Variants in CACNA2D3 observed in about 807,000 individuals in gnomAD.
CACNA2D3 encodes the protein voltage-dependent calcium channel subunit alpha-2/delta-3.
In CACNA2D3, 60 loss-of-function variants were observed where a neutral mutation model predicts 160.6. That is an observed-to-expected ratio of 0.37 (90% confidence interval 0.30 to 0.46). CACNA2D3 has a LOEUF of 0.46. CACNA2D3 is among the 20% of genes least tolerant of loss of function. CACNA2D3 has a pLI of 1.00. For synonymous variants in CACNA2D3, 558 were observed against 492.9 expected (o/e 1.13, Z -1.75); for missense variants, 1,205 against 1,365.0 (o/e 0.88, Z 1.85).
intron 27 of CACNA2D3, among the ~76,000 whole-genome samples, chr3:54,918,018 A>G (rs902370544): frequency 6.6e-6 from 1 of 152,220 alleles, no homozygotes; most frequent in African/African-American, 2.4e-5. Context: ...CCCATCGGGT[A>G]AGATCACCAG....
chr3:55,074,020 G>A (rs1436525646), intron 37 of CACNA2D3, 94 bp from the exon 38 acceptor site: 20 of 1,195,928 alleles, frequency 1.7e-5, no homozygotes, highest in Admixed American at 1.4e-4. Context: ...AGAAGACTTC[G>A]TTCTTACGTT....
At chr3:54,764,471 ATTGT>A (rs946036576) in intron 13 of CACNA2D3, 120 bp downstream of exon 13, 212 of 1,259,462 alleles carry the variant, frequency 1.7e-4, no homozygotes, top group Admixed American at 7.5e-4. Flanking sequence ...ACTTTTCTTG[ATTGT>A]TTGTATAGTG....
At chr3:54,779,989 A>G (rs1702501715) in intron 13 of CACNA2D3, among the ~76,000 whole-genome samples, 2 of 152,234 alleles carry the variant, frequency 1.3e-5, no homozygotes, top group East Asian at 1.9e-4. Context: ...CAGAGAGGCC[A>G]AGTGGCTTGC....
chr3:54,568,724 T>C (rs1702447769), intron 6 of CACNA2D3, among the ~76,000 whole-genome samples: 1 of 152,182 alleles, frequency 6.6e-6, no homozygotes, highest in African/African-American at 2.4e-5. Context: ...TGATTTCTTA[T>C]GGAGAGTGTT....
At chr3:54,857,056 C>T (rs1171578848) in intron 17 of CACNA2D3, among the ~76,000 whole-genome samples, 3 of 152,318 alleles carry the variant, frequency 2.0e-5, no homozygotes, top group African/African-American at 7.2e-5. Context: ...GCTAGGATTA[C>T]AGGCGTGAGC....
chr3:54,127,909 T>A (rs1699627889), intron 2 of CACNA2D3, among the ~76,000 whole-genome samples: 1 of 133,022 alleles, frequency 7.5e-6, no homozygotes, highest in Non-Finnish European at 1.7e-5. Context: ...TTTTTGCTCA[T>A]TTTTTTTTTC....
chr3:54,821,695 T>TTC (rs1703603362), intron 14 of CACNA2D3, among the ~76,000 whole-genome samples: 1 of 119,332 alleles, frequency 8.4e-6, no homozygotes. Flanking sequence ...TTTCTTTCTT[T>TTC]CTTTCCTTCC....
intron 2 of CACNA2D3, among the ~76,000 whole-genome samples, chr3:54,196,730 A>C (rs953885609): frequency 6.6e-6 from 1 of 152,224 alleles, no homozygotes; most frequent in African/African-American, 2.4e-5. Flanking sequence ...TGACATTTCC[A>C]GGCTTTGCCT....
chr3:54,640,832 A>G (rs563014405), intron 10 of CACNA2D3, among the ~76,000 whole-genome samples: 73 of 152,298 alleles, frequency 4.8e-4, no homozygotes, highest in African/African-American at 1.6e-3. Flanking sequence ...AACTAGCCTC[A>G]TTTAGATTTT....
Position 54,735,852 on chromosome 3 carries a change from T to C in CACNA2D3, c.1168-16747T>C, listed in dbSNP as rs1701486310. ...AGAAAACAGCATTACATGTTAATTC[T>C]AGAAAATTTGGAAAAAAAATAAAAA... On this transcript the variant is annotated intron_variant, in intron 11 of 37. Transcript: ENST00000474759. Among the ~76,000 whole-genome samples the C allele has an allele frequency of 4.1e-5, 6 of 147,968 alleles. No homozygotes were observed. The South Asian group carries it at 1.3e-3, about 31-fold the overall frequency.
At chr3:54,249,662 TACACACACACACACACAC>T (rs10656572) in intron 2 of CACNA2D3, among the ~76,000 whole-genome samples, 1 of 132,846 alleles carries the variant, frequency 7.5e-6, no homozygotes, top group Non-Finnish European at 1.6e-5. Context: ...TCTGTTTACG[TACACACACACACACACAC>T]ACACACACAC....
chr3:54,234,649 G>A lies in CACNA2D3; in HGVS notation c.205-85793G>A, dbSNP rs145062707. ...ATAGATTGGATAAAGAAAATGTGGT[G>A]TATATACACCATGGAATACTATGCA... On this transcript the variant is annotated intron_variant, in intron 2 of 37. Coordinates refer to ENST00000474759, the MANE Select transcript of CACNA2D3 (RefSeq NM_018398.3). 3.8e-4 allele frequency among the ~76,000 whole-genome samples: 58 copies of A among 152,246 alleles called. No individual in the cohort carries two copies. The Middle Eastern group carries it at 0.01, about 27-fold the overall frequency.
chr3:54,932,324 A>G (rs1370276494), intron 27 of CACNA2D3, among the ~76,000 whole-genome samples: 1 of 152,202 alleles, frequency 6.6e-6, no homozygotes, highest in Non-Finnish European at 1.5e-5. Flanking sequence ...AAAAAGTGTT[A>G]GAGATGGAGG....
chr3:54,534,332 A>G (rs1039091919), intron 5 of CACNA2D3, among the ~76,000 whole-genome samples: 8 of 139,078 alleles, frequency 5.8e-5, no homozygotes, highest in African/African-American at 2.1e-4. Flanking sequence ...GGTCTTTTTA[A>G]AACATGCATC....
rs114547718 is a variant in CACNA2D3 at position 54,226,828 on chromosome 3, G to T, written c.205-93614G>T. 8.1e-3 allele frequency among the ~76,000 whole-genome samples: 1,238 copies of T among 152,220 alleles called. 22 individuals carry two copies. The highest frequency in any genetic ancestry group is 0.028 in the African/African-American group (1,169 of 41,536). On this transcript the variant is annotated intron_variant, in intron 2 of 37. Transcript: ENST00000474759. ...TCAGGAAGTTTCTATTTTTTTTCCA[G>T]AAATTTGGCCTCTCAACTTCTGGCT...
chr3:54,642,164 G>T lies in CACNA2D3; in HGVS notation c.1090G>T (p.Ala364Ser). The T allele has an allele frequency of 6.2e-7, 1 of 1,612,886 alleles. No homozygotes were observed. The highest frequency in any genetic ancestry group is 8.5e-7 in the Non-Finnish European group (1 of 1,179,424). Residue 364 changes from alanine to serine, a missense_variant, in exon 11 of 38, where the codon GCC becomes TCC. Ala to Ser is a moderately conservative substitution (Grantham distance 99). Transcript: ENST00000474759. The stretch of plus-strand genomic sequence containing the variant: ...GGGACAAGGAAGTATCTGCAGTCAG[G>T]CCATCATGCTCATAACTGATGGGGC... ...HTGQGSICSQAIMLITDGAVD... is the reference protein window; with the variant it reads ...HTGQGSICSQSIMLITDGAVD...
intron 13 of CACNA2D3, among the ~76,000 whole-genome samples, chr3:54,814,825 A>G (rs890390599): frequency 6.6e-6 from 1 of 152,164 alleles, no homozygotes; most frequent in Non-Finnish European, 1.5e-5. Context: ...AGAGAGAGAG[A>G]GAAAGGACAG....
At chr3:54,694,263 C>A (rs559745461) in intron 11 of CACNA2D3, among the ~76,000 whole-genome samples, 6 of 152,186 alleles carry the variant, frequency 3.9e-5, no homozygotes, top group Non-Finnish European at 8.8e-5. Context: ...ACATGCTGTA[C>A]AGGTTTGCAG....
intron 25 of CACNA2D3, 45 bp downstream of exon 25, chr3:54,891,495 A>C (rs1227765801): frequency 3.6e-6 from 5 of 1,374,964 alleles, no homozygotes; most frequent in South Asian, 1.2e-5. Flanking sequence ...AGCTTCTGAA[A>C]TGGAACATTC....
Sources: gnomAD v4.1 joint callset for allele counts (sites outside exome capture counted in the v4.1 genomes callset) on GRCh38, gnomAD v4.1.1 for gene constraint, MANE v1.5 for transcripts, NCBI Gene and HGNC (gene_info 2026-07-23, HGNC 2026-07-21) for gene names.